The following PARD3 variants were observed in gnomAD, a reference collection of about 807,000 sequenced individuals.
PARD3 encodes the protein partitioning defective 3 homolog.
A neutral mutation model predicts 155.4 loss-of-function variants in PARD3; 75 were observed. That is an observed-to-expected ratio of 0.48 (90% CI 0.40 to 0.58). The LOEUF (loss-of-function observed/expected upper bound fraction) is 0.58. PARD3 is among the 20% of genes least tolerant of loss of function. The pLI is 0.00. For synonymous variants in PARD3, 576 were observed against 610.5 expected, an observed-to-expected ratio of 0.94 and a Z score of 0.83; for missense variants, 1,642 against 1,721.7, an observed-to-expected ratio of 0.95 and a Z score of 0.82.
chr10:34,558,962 AGT>A (rs1491526272), intron 2 of PARD3, among the ~76,000 whole-genome samples: 402 of 152,280 alleles, frequency 2.6e-3, no homozygotes, highest in African/African-American at 8.9e-3. Flanking sequence ...TAAGTAAGTA[AGT>A]AAGTAAATAA....
intron 1 of PARD3, among the ~76,000 whole-genome samples, chr10:34,720,052 T>C (rs2094578956): frequency 6.6e-6 from 1 of 152,224 alleles, no homozygotes; most frequent in African/African-American, 2.4e-5. Flanking sequence ...AAATTTCAGC[T>C]TATGGTGCAG....
intron 14 of PARD3, among the ~76,000 whole-genome samples, chr10:34,353,476 G>GCGGT (rs1838420905): frequency 6.6e-6 from 1 of 152,112 alleles, no homozygotes; most frequent in Non-Finnish European, 1.5e-5. Context: ...TGGATTAAGG[G>GCGGT]CGGTGCAAGA....
Position 34,416,616 on chromosome 10 carries a change from C to T in PARD3, c.715-14699G>A, listed in dbSNP as rs142675489. Among the ~76,000 whole-genome samples, 316 of 152,194 alleles carry T rather than the reference C, an allele frequency of 2.1e-3. 1 individual carries two copies. Among genetic ancestry groups the T allele is most frequent in the Middle Eastern group, 3.4e-3 (1 of 294 alleles). On this transcript the variant is annotated intron_variant, in intron 5 of 24. Transcript: ENST00000374788. ...CTCTAGTGTTTAGTTGTCCAGAATGCGCTGGATTACTAAGAGAACAACCTG... is the reference window on the plus strand; with the variant it reads ...CTCTAGTGTTTAGTTGTCCAGAATGTGCTGGATTACTAAGAGAACAACCTG...
At chr10:34,182,159 C>T (rs1306311043) in intron 22 of PARD3, among the ~76,000 whole-genome samples, 1 of 152,142 alleles carries the variant, frequency 6.6e-6, no homozygotes, top group African/African-American at 2.4e-5. Context: ...GGAGTCCGAG[C>T]GCTGGATTGA....
intron 1 of PARD3, among the ~76,000 whole-genome samples, chr10:34,717,254 T>C (rs920392530): frequency 1.3e-5 from 2 of 152,154 alleles, no homozygotes; most frequent in African/African-American, 4.8e-5. Context: ...AGTCCTTTTG[T>C]ATAGAAATGA....
At chr10:34,492,332 A>C (rs938298194) in intron 3 of PARD3, among the ~76,000 whole-genome samples, 2 of 152,146 alleles carry the variant, frequency 1.3e-5, no homozygotes, top group African/African-American at 4.8e-5. Flanking sequence ...TTCACAGGGT[A>C]AACCACACAC....
intron 1 of PARD3, among the ~76,000 whole-genome samples, chr10:34,726,982 C>T (rs150815124): frequency 1.2e-4 from 19 of 152,254 alleles, no homozygotes; most frequent in African/African-American, 4.1e-4. Context: ...GCTGGGTAAG[C>T]TCAGACAAAT....
intron 1 of PARD3, among the ~76,000 whole-genome samples, chr10:34,704,911 T>G (rs570156816): frequency 2.8e-4 from 42 of 152,248 alleles, no homozygotes; most frequent in Non-Finnish European, 5.6e-4. Flanking sequence ...ATTTCATTTT[T>G]TTGTTTTGTT....
At chr10:34,805,111 A>G (rs979261271) in intron 1 of PARD3, among the ~76,000 whole-genome samples, 1 of 152,238 alleles carries the variant, frequency 6.6e-6, no homozygotes, top group African/African-American at 2.4e-5. Flanking sequence ...TAATCCCAGC[A>G]CTTTGCAAGG....
intron 22 of PARD3, among the ~76,000 whole-genome samples, chr10:34,259,544 C>G (rs1254439009): frequency 6.6e-6 from 1 of 152,060 alleles, no homozygotes; most frequent in African/African-American, 2.4e-5. Flanking sequence ...TACACTGGGC[C>G]CAAAAGGATA....
chr10:34,120,183 ATTTTTT>A (rs57670906), intron 23 of PARD3, among the ~76,000 whole-genome samples: 4,087 of 113,668 alleles, frequency 0.036, 207 homozygotes, highest in African/African-American at 0.12. Context: ...TGCCTGGCTA[ATTTTTT>A]TTTTTTTTTT....
Position 34,554,704 on chromosome 10 carries a change from G to A in PARD3, c.223-37545C>T, listed in dbSNP as rs11009813. Among the ~76,000 whole-genome samples, 447 of 152,216 alleles carry A rather than the reference G, an allele frequency of 2.9e-3. 9 individuals carry two copies. Among genetic ancestry groups the A allele is most frequent in the Admixed American group, 0.023 (350 of 15,278 alleles). ...ACTCAGCGGCCTTTCGTTAGGAATC[G>A]AAATCTCACAGTATTGGTGCTCATT... is the stretch of plus-strand genomic sequence containing the variant. On this transcript the variant is annotated intron_variant, in intron 2 of 24. Transcript: ENST00000374788.
At chr10:34,661,712 A>G (rs1441631629) in intron 2 of PARD3, among the ~76,000 whole-genome samples, 4 of 152,330 alleles carry the variant, frequency 2.6e-5, no homozygotes, top group Admixed American at 6.5e-5. Flanking sequence ...TCCAGATTCA[A>G]TGGTCTATAA....
chr10:34,794,193 T>C (rs930016153), intron 1 of PARD3, among the ~76,000 whole-genome samples: 5 of 152,140 alleles, frequency 3.3e-5, no homozygotes, highest in Admixed American at 6.5e-5. Context: ...GTCCTGGCCA[T>C]ATACTCAGTA....
intron 22 of PARD3, among the ~76,000 whole-genome samples, chr10:34,189,691 G>A (rs191633292): frequency 2.6e-5 from 4 of 152,316 alleles, no homozygotes; most frequent in Admixed American, 1.3e-4. Context: ...AAAAGCACCT[G>A]TGCAATTGAG....
chr10:34,437,984 A>C (rs866730235), intron 5 of PARD3, among the ~76,000 whole-genome samples: 40 of 152,288 alleles, frequency 2.6e-4, no homozygotes, highest in African/African-American at 9.1e-4. Flanking sequence ...CTTTTGTCCC[A>C]CAAAAATCTC....
intron 2 of PARD3, among the ~76,000 whole-genome samples, chr10:34,695,382 G>T (rs2094147670): frequency 6.6e-6 from 1 of 151,670 alleles, no homozygotes; most frequent in African/African-American, 2.4e-5. Context: ...GGCTGAGGCA[G>T]GAGAATCGCT....
At chr10:34,275,862 A>G (rs1453196803) in intron 21 of PARD3, among the ~76,000 whole-genome samples, 1 of 152,168 alleles carries the variant, frequency 6.6e-6, no homozygotes, top group Non-Finnish European at 1.5e-5. Context: ...GTCACAAATT[A>G]TCTCCAAGAT....
At chr10:34,143,966 T>C (rs761057810) in intron 22 of PARD3, among the ~76,000 whole-genome samples, 1 of 152,148 alleles carries the variant, frequency 6.6e-6, no homozygotes, top group African/African-American at 2.4e-5. Context: ...CTTTTTTTTC[T>C]ATTTACAACT....
Sources: allele counts gnomAD v4.1 joint callset (sites outside exome capture counted in the v4.1 genomes callset), GRCh38; gene constraint gnomAD v4.1.1; transcripts MANE v1.5; gene names NCBI Gene and HGNC (gene_info 2026-07-23, HGNC 2026-07-21).